ZBTB46: variants seen among roughly 807,000 people sequenced by gnomAD.
The protein encoded by ZBTB46 is zinc finger and BTB domain-containing protein 46.
Under a neutral mutation model 44.1 loss-of-function variants are expected in ZBTB46, and 8 were observed. That is an observed-to-expected ratio of 0.18 (90% CI 0.11 to 0.33). The LOEUF (loss-of-function observed/expected upper bound fraction) is 0.33, where lower values mean the gene tolerates loss of function less well. ZBTB46 is among the 10% of genes least tolerant of loss of function. The pLI is 1.00. For missense variants in ZBTB46, 651 were observed against 847.7 expected, an observed-to-expected ratio of 0.77 and a Z score of 2.88; for synonymous variants, 409 against 382.3, an observed-to-expected ratio of 1.07 and a Z score of -0.81.
chr20:63,751,200 C>A lies in ZBTB46; in HGVS notation c.1398+1486G>T, dbSNP rs1054295719. The stretch of plus-strand genomic sequence containing the variant: ...GTGGCCTGTGTGAACAGAAGCACAT[C>A]CTCCGCTACGGAAAACAAGGCTGGG... On this transcript the variant is annotated intron_variant, in intron 4 of 4. Coordinates refer to ENST00000245663, the MANE Select transcript of ZBTB46 (RefSeq NM_001369741.1). Among the ~76,000 whole-genome samples, 8 of 150,054 alleles carry A rather than the reference C, an allele frequency of 5.3e-5. No individual in the cohort carries two copies. The Admixed American group carries it at 5.3e-4, about 10-fold the overall frequency.
chr20:63,780,155 C>T (rs1306664225), intron 2 of ZBTB46, among the ~76,000 whole-genome samples: 1 of 151,690 alleles, frequency 6.6e-6, no homozygotes, highest in East Asian at 2.0e-4. Context: ...CTTGTAATCT[C>T]AGCTACTCGG....
chr20:63,775,711 C>T lies in ZBTB46; in HGVS notation c.1189G>A (p.Glu397Lys), dbSNP rs965837850. 5.6e-6 allele frequency: 9 copies of T among 1,601,678 alleles called. No homozygotes were observed. The highest frequency in any genetic ancestry group is 2.2e-5 in the East Asian group (1 of 44,776). ...GAGTGGGCCCCTCTGGGCAGGTACT[C>T]GAACAGCAGGGAGCCGTCATCCCCC... The part of the protein sequence containing the change: ...VLGDDGSLLF[E>K]YLPRGAHSLS... The change falls in exon 3 of 5, where the codon GAG becomes AAG. Residue 397 changes from glutamate (E) to lysine (K), a missense_variant. Glu to Lys is a moderately conservative substitution (Grantham distance 56). Transcript: ENST00000245663.
intron 1 of ZBTB46, among the ~76,000 whole-genome samples, chr20:63,823,501 A>AAATAAATAAAT (rs1568910182): frequency 5.6e-4 from 85 of 151,052 alleles, no homozygotes; most frequent in African/African-American, 1.9e-3. Context: ...CTGTCTCAAA[A>AAATAAATAAAT]AAATAAATAA....
chr20:63,747,458 G>GGAA (rs2092110263), intron 4 of ZBTB46, among the ~76,000 whole-genome samples, 157 bp from the exon 5 acceptor site: 3 of 30,324 alleles, frequency 9.9e-5, no homozygotes, highest in Non-Finnish European at 2.1e-4. Flanking sequence ...TGGTGGAGGT[G>GGAA]GGGGGGGCGG....
At chr20:63,792,898 T>C (rs2092572367) in intron 1 of ZBTB46, among the ~76,000 whole-genome samples, 1 of 152,232 alleles carries the variant, frequency 6.6e-6, no homozygotes, top group African/African-American at 2.4e-5. Flanking sequence ...AGAGAAGCTT[T>C]TGTGCCTGTC....
rs544366680 is a variant in ZBTB46 at position 63,798,396 on chromosome 20, C to T, written c.-33-7606G>A. On this transcript the variant is annotated intron_variant, in intron 1 of 4. Transcript: ENST00000245663. ...ATACAAAAATTAGCTGGGCGTTGGC[C>T]GCGCGTGGTGGCTCACACCTGTAAT... 7.9e-5 allele frequency among the ~76,000 whole-genome samples: 12 copies of T among 151,898 alleles called. No individual in the cohort carries two copies. The South Asian group carries it at 8.3e-4, about 11-fold the overall frequency.
At chr20:63,747,803 C>G (rs1290970021) in intron 4 of ZBTB46, among the ~76,000 whole-genome samples, 1 of 152,156 alleles carries the variant, frequency 6.6e-6, no homozygotes, top group African/African-American at 2.4e-5. Context: ...GTCTCAGCGT[C>G]TACACTGTGT....
At chr20:63,795,244 C>G (rs1311587139) in intron 1 of ZBTB46, among the ~76,000 whole-genome samples, 2 of 152,238 alleles carry the variant, frequency 1.3e-5, no homozygotes, top group Non-Finnish European at 2.9e-5. Flanking sequence ...AGCATAACCA[C>G]TCTGGTGACC....
chr20:63,771,379 T>C (rs1299553561), intron 3 of ZBTB46, among the ~76,000 whole-genome samples: 1 of 151,702 alleles, frequency 6.6e-6, no homozygotes, highest in East Asian at 1.9e-4. Context: ...TCCATGACCC[T>C]CCAGAAGGAG....
intron 1 of ZBTB46, among the ~76,000 whole-genome samples, chr20:63,826,811 A>C (rs2092822027): frequency 6.6e-6 from 1 of 152,228 alleles, no homozygotes; most frequent in Non-Finnish European, 1.5e-5. Flanking sequence ...CCAAGTCTTC[A>C]GAAGGTACAA....
At chr20:63,759,852 C>G (rs2092258327) in intron 3 of ZBTB46, among the ~76,000 whole-genome samples, 1 of 152,088 alleles carries the variant, frequency 6.6e-6, no homozygotes, top group Non-Finnish European at 1.5e-5. Context: ...ATCACGAAGG[C>G]TACTGAATTT....
chr20:63,749,095 C>G (rs148035301), intron 4 of ZBTB46, among the ~76,000 whole-genome samples: 2 of 152,326 alleles, frequency 1.3e-5, no homozygotes, highest in South Asian at 4.1e-4. Context: ...TCCACAAAGC[C>G]GGGAACCATA....
At chr20:63,810,696 A>G (rs1334197858) in intron 1 of ZBTB46, among the ~76,000 whole-genome samples, 2 of 152,214 alleles carry the variant, frequency 1.3e-5, no homozygotes, top group Non-Finnish European at 2.9e-5. Context: ...CAGTGAGCCA[A>G]AATTGTGCCA....
rs2092713661 is a variant in ZBTB46, at chr20:63,810,863, A to G, written c.-33-20073T>C. Among the ~76,000 whole-genome samples, 3 of 152,270 alleles carry G rather than the reference A, an allele frequency of 2.0e-5. 1 individual carries two copies. In the South Asian group the frequency reaches 6.2e-4, roughly 32 times the overall value. On this transcript the variant is annotated intron_variant, in intron 1 of 4. Transcript: ENST00000245663. ...CACCCAGGAGGTGAACAGAGCGCGA[A>G]CATGAGAGCAATCTACGTTTCTCTT...
rs137909268 is a variant in ZBTB46 at position 63,744,606 on chromosome 20, G to A, written c.*2324C>T. On this transcript the variant is annotated 3_prime_UTR_variant, in exon 5 of 5. Transcript: ENST00000245663. ...ACATAAAAAAAACCCTTCATGACAT[G>A]TCTTTTCCCTCCACGCCTCCTGAGA... The A allele has an allele frequency of 3.5e-4, 53 of 151,924 alleles. No individual in the cohort carries two copies. Among genetic ancestry groups the A allele is most frequent in the African/African-American group, 1.2e-3 (49 of 41,082 alleles). The allele number at this position is 151,924 out of a possible 1,614,324, so 9.4% of individuals were successfully genotyped here.
At chr20:63,778,461 G>A (rs1314092885) in intron 2 of ZBTB46, among the ~76,000 whole-genome samples, 1 of 152,194 alleles carries the variant, frequency 6.6e-6, no homozygotes, top group Non-Finnish European at 1.5e-5. Flanking sequence ...AGAAACACAG[G>A]GGCATGGGGC....
chr20:63,785,664 C>A (rs1023773863), intron 2 of ZBTB46, among the ~76,000 whole-genome samples: 3 of 152,192 alleles, frequency 2.0e-5, no homozygotes, highest in Non-Finnish European at 4.4e-5. Context: ...ACAAACTGAC[C>A]TCCATGGGAT....
intron 2 of ZBTB46, among the ~76,000 whole-genome samples, chr20:63,778,449 A>T (rs1458484969): frequency 6.6e-6 from 1 of 152,230 alleles, no homozygotes; most frequent in Admixed American, 6.5e-5. Context: ...GATCAGAACC[A>T]CAGAAACACA....
chr20:63,796,229 T>TG (rs1477751528), intron 1 of ZBTB46, among the ~76,000 whole-genome samples: 1 of 152,230 alleles, frequency 6.6e-6, no homozygotes, highest in Non-Finnish European at 1.5e-5. Flanking sequence ...ACAGCAGGCG[T>TG]GATTCAGGCG....
Sources: allele counts gnomAD v4.1 joint callset (sites outside exome capture counted in the v4.1 genomes callset), GRCh38; gene constraint gnomAD v4.1.1; transcripts MANE v1.5; gene names NCBI Gene and HGNC (gene_info 2026-07-23, HGNC 2026-07-21).